Variants in CCDC171 observed in about 807,000 individuals in gnomAD.
CCDC171 encodes the protein coiled-coil domain-containing protein 171.
CCDC171 carries 177 observed loss-of-function variants against 168.2 expected under a neutral mutation model. The ratio of observed to expected loss-of-function variants is 1.05; its 90% CI spans 0.93 to 1.19. The LOEUF (loss-of-function observed/expected upper bound fraction) is 1.19. CCDC171 is among the 50% of genes most tolerant of loss of function. The pLI is 0.00. For missense variants in CCDC171, 1,991 were observed against 1,539.0 expected, an observed-to-expected ratio of 1.29 and a Z score of -4.91; for synonymous variants, 687 against 540.8, an observed-to-expected ratio of 1.27 and a Z score of -3.75.
At chr9:15,895,691 A>G (rs1274086389) in intron 24 of CCDC171, among the ~76,000 whole-genome samples, 1 of 152,116 alleles carries the variant, frequency 6.6e-6, no homozygotes, top group Non-Finnish European at 1.5e-5. Context: ...TAAAGTAATG[A>G]AGTTAAGCTT....
downstream of CCDC171, among the ~76,000 whole-genome samples, chr9:16,066,505 C>T (rs1472637385): frequency 6.7e-6 from 1 of 149,982 alleles, no homozygotes; most frequent in African/African-American, 2.5e-5. Context: ...TACATGTGCA[C>T]ATTGTGCAGG....
At chr9:15,950,628 A>G (rs1452011387) in intron 25 of CCDC171, among the ~76,000 whole-genome samples, 1 of 152,152 alleles carries the variant, frequency 6.6e-6, no homozygotes, top group African/African-American at 2.4e-5. Context: ...AGGAAGCGCT[A>G]AACATGGAAA....
At chr9:15,559,386 C>T (rs1449070204) in intron 1 of CCDC171, among the ~76,000 whole-genome samples, 2 of 152,122 alleles carry the variant, frequency 1.3e-5, no homozygotes, top group African/African-American at 4.8e-5. Flanking sequence ...TTGTAGGTCT[C>T]TAAGACTTGC....
intron 3 of CCDC171, among the ~76,000 whole-genome samples, chr9:15,999,861 C>T (rs961728282): frequency 6.6e-6 from 1 of 152,110 alleles, no homozygotes; most frequent in Non-Finnish European, 1.5e-5. Context: ...CCCCAGGCTC[C>T]TATGACTCAG....
rs992593465 is a variant in CCDC171, at chr9:15,660,712, C to G, written c.915+3493C>G. Among the ~76,000 whole-genome samples the G allele has an allele frequency of 4.6e-5, 7 of 152,132 alleles. No homozygotes were observed. The South Asian group carries it at 1.4e-3, about 31-fold the overall frequency. ...AAGTATGTACCACATTTTCTTTATC[C>G]AATCCATCATTGATTGATGAGCACC... On this transcript the variant is annotated intron_variant, in intron 8 of 25. Coordinates refer to ENST00000380701, the MANE Select transcript of CCDC171 (RefSeq NM_173550.4).
intron 21 of CCDC171, among the ~76,000 whole-genome samples, chr9:15,833,138 C>A (rs1049947783): frequency 6.6e-6 from 1 of 152,082 alleles, no homozygotes; most frequent in Non-Finnish European, 1.5e-5. Flanking sequence ...CAGGCACACA[C>A]CATCATGTCT....
chr9:15,625,965 C>G (rs1295750974), intron 7 of CCDC171, among the ~76,000 whole-genome samples: 1 of 152,120 alleles, frequency 6.6e-6, no homozygotes, highest in African/African-American at 2.4e-5. Context: ...GAATGTTCTT[C>G]CATTTGTTTG....
At chr9:15,841,726 TTATC>T (rs1345292783) in intron 21 of CCDC171, among the ~76,000 whole-genome samples, 2 of 151,962 alleles carry the variant, frequency 1.3e-5, no homozygotes. Flanking sequence ...TTATTGTAAA[TTATC>T]TAATTGTTTA....
intron 18 of CCDC171, among the ~76,000 whole-genome samples, chr9:15,749,679 C>T (rs1588285290): frequency 2.0e-5 from 3 of 152,256 alleles, no homozygotes; most frequent in East Asian, 1.9e-4. Flanking sequence ...CACTCTAAAC[C>T]GCTCAACTAC....
At chr9:16,094,916 TC>T in the CCDC171 span, among the ~76,000 whole-genome samples, 1 of 152,112 alleles carries the variant, frequency 6.6e-6, no homozygotes, top group African/African-American at 2.4e-5. Flanking sequence ...GGGGCAGATT[TC>T]CCCGTTGCTG....
intron 3 of CCDC171, among the ~76,000 whole-genome samples, chr9:15,979,254 C>G (rs530888771): frequency 1.3e-5 from 2 of 152,266 alleles, no homozygotes; most frequent in African/African-American, 4.8e-5. Flanking sequence ...AGTTTTACTT[C>G]TTTTCTAATC....
chr9:15,939,680 C>T (rs553241701), intron 25 of CCDC171, among the ~76,000 whole-genome samples: 48 of 151,806 alleles, frequency 3.2e-4, no homozygotes, highest in Non-Finnish European at 6.2e-4. Flanking sequence ...ACCACTTCCC[C>T]GAGCAGAATA....
rs1217405214 is a variant in CCDC171 at position 15,992,803 on chromosome 9, GACAA to G, written n.369-27782_369-27779del. Among the ~76,000 whole-genome samples the G allele has an allele frequency of 3.9e-5, 6 of 152,168 alleles. No homozygotes were observed. The East Asian group carries it at 5.8e-4, about 15-fold the overall frequency. On this transcript the variant is annotated intron_variant and non_coding_transcript_variant, in intron 3 of 9. Transcript: ENST00000486641. ...CAAGCATTCTTATACACCAATAACG[GACAA>G]ACAGAGAGCCAAATCATGAGTGAAC...
chr9:15,859,958 C>A (rs1447549164), intron 23 of CCDC171, among the ~76,000 whole-genome samples: 2 of 151,874 alleles, frequency 1.3e-5, no homozygotes, highest in Non-Finnish European at 2.9e-5. Context: ...TAAGCCACCA[C>A]ACCCAGCCTC....
intron 1 of CCDC171, among the ~76,000 whole-genome samples, chr9:15,555,664 A>G (rs1326180795): frequency 6.6e-6 from 1 of 152,150 alleles, no homozygotes; most frequent in Non-Finnish European, 1.5e-5. Flanking sequence ...ACTTTAGTCA[A>G]GTGACTGAGT....
chr9:15,597,531 G>A (rs1423872332), intron 6 of CCDC171, among the ~76,000 whole-genome samples: 1 of 152,150 alleles, frequency 6.6e-6, no homozygotes, highest in Admixed American at 6.6e-5. Flanking sequence ...TTGGTGTGCT[G>A]CTGGATTCAG....
At chr9:15,607,491 T>G (rs2043313645) in intron 6 of CCDC171, among the ~76,000 whole-genome samples, 1 of 152,124 alleles carries the variant, frequency 6.6e-6, no homozygotes, top group African/African-American at 2.4e-5. Flanking sequence ...AGACAGGGTC[T>G]CACTCTGTCA....
At chr9:15,878,740 A>G (rs1294762565) in intron 24 of CCDC171, among the ~76,000 whole-genome samples, 1 of 152,222 alleles carries the variant, frequency 6.6e-6, no homozygotes, top group Non-Finnish European at 1.5e-5. Flanking sequence ...ATGTCCATCC[A>G]TGGTAGAATG....
intron 24 of CCDC171, among the ~76,000 whole-genome samples, chr9:15,877,162 C>G (rs1817952526): frequency 7.1e-6 from 1 of 141,554 alleles, no homozygotes; most frequent in African/African-American, 2.6e-5. Context: ...TAGCTTTCCC[C>G]TCCAACTTTC....
Sources: allele counts gnomAD v4.1 joint callset (sites outside exome capture counted in the v4.1 genomes callset), GRCh38; gene constraint gnomAD v4.1.1; transcripts MANE v1.5; gene names NCBI Gene and HGNC (gene_info 2026-07-23, HGNC 2026-07-21).